HPRT1: variants seen among roughly 807,000 people sequenced by gnomAD.
HPRT1 encodes the protein hypoxanthine-guanine phosphoribosyltransferase.
HPRT1 carries 4 observed loss-of-function variants against 19.0 expected under a neutral mutation model. The observed-to-expected ratio is 0.21, with a 90% CI of 0.10 to 0.48. The LOEUF (loss-of-function observed/expected upper bound fraction) is 0.48. Ranked by LOEUF, HPRT1 falls within the 20% of genes least tolerant of loss-of-function variation. HPRT1 has a pLI of 0.98. For missense variants in HPRT1, 65 were observed against 164.0 expected (o/e 0.40, Z 3.30); for synonymous variants, 53 against 54.9 (o/e 0.97, Z 0.15).
intron 3 of HPRT1, among the ~76,000 whole-genome samples, chrX:134,484,077 G>T (rs2077646571): frequency 8.9e-6 from 1 of 111,734 alleles, no homozygotes; most frequent in Non-Finnish European, 1.9e-5. Flanking sequence ...GTGTCTTACT[G>T]CTTGGAGTTC....
At chrX:134,478,800 A>G (rs1223357368) in intron 3 of HPRT1, among the ~76,000 whole-genome samples, 1 of 111,968 alleles carries the variant, frequency 8.9e-6, no homozygotes, top group Non-Finnish European at 1.9e-5. Context: ...CCTAGTGCCT[A>G]GATGGGAAAT....
intron 5 of HPRT1, among the ~76,000 whole-genome samples, chrX:134,490,501 G>GTATA (rs67231548): frequency 9.9e-6 from 1 of 100,643 alleles, no homozygotes. Flanking sequence ...TATATTTTAT[G>GTATA]TATATATATA....
At chrX:134,496,352 T>A (rs6638248) in intron 6 of HPRT1, among the ~76,000 whole-genome samples, 1 of 111,586 alleles carries the variant, frequency 9.0e-6, no homozygotes, top group Non-Finnish European at 1.9e-5. Flanking sequence ...CATCTGCTTA[T>A]TGGCCATTTA....
rs995826189 is a variant in HPRT1, at chrX:134,461,591, G to A, written c.27+1253G>A. ...GCTGGCTACCTCTTGGAGTTATTGA[G>A]AGGATTATAAGACAGTCTATGTGAA... On this transcript the variant is annotated intron_variant, in intron 1 of 8. Coordinates refer to ENST00000298556, the MANE Select transcript of HPRT1 (RefSeq NM_000194.3). Among the ~76,000 whole-genome samples the A allele has an allele frequency of 4.5e-5, 5 of 112,125 alleles. No homozygotes were observed. In the East Asian group the frequency reaches 1.4e-3, roughly 31 times the overall value.
At chrX:134,468,507 C>T (rs959273829) in intron 1 of HPRT1, among the ~76,000 whole-genome samples, 1 of 110,308 alleles carries the variant, frequency 9.1e-6, no homozygotes, top group South Asian at 3.9e-4. Flanking sequence ...GTCCCAGCTA[C>T]TGCTTTGTGA....
At chrX:134,494,162 A>G (rs17885249) in intron 6 of HPRT1, among the ~76,000 whole-genome samples, 1,412 of 112,300 alleles carry the variant, frequency 0.013, 24 homozygotes, top group African/African-American at 0.043. Context: ...AGATAAGGTT[A>G]CTGAGGCATA....
At chrX:134,460,379 A>G in intron 1 of HPRT1, 41 bp downstream of exon 1, 3 of 1,032,898 alleles carry the variant, frequency 2.9e-6, no homozygotes, top group Non-Finnish European at 3.7e-6. Context: ...GTTCAGGCCC[A>G]CGCGGCAGGT....
intron 3 of HPRT1, 38 bp from the exon 4 acceptor site, chrX:134,486,427 A>G (rs1241073056): frequency 9.5e-6 from 7 of 735,027 alleles, no homozygotes; most frequent in Non-Finnish European, 1.4e-5. Context: ...ATGTGTGTGT[A>G]GATATATATA....
chrX:134,472,110 A>G (rs1397711669), intron 1 of HPRT1, among the ~76,000 whole-genome samples: 1 of 110,678 alleles, frequency 9.0e-6, no homozygotes, highest in East Asian at 2.8e-4. Context: ...AGCTGGGACT[A>G]CAGGTATGCA....
At chrX:134,481,509 A>G (rs776105501) in intron 3 of HPRT1, among the ~76,000 whole-genome samples, 2 of 37,887 alleles carry the variant, frequency 5.3e-5, no homozygotes, top group Non-Finnish European at 1.2e-4. Flanking sequence ...GTCTATCTCT[A>G]TCTATCTATC....
At chrX:134,476,835 G>GT (rs1849088293) in intron 3 of HPRT1, among the ~76,000 whole-genome samples, 1 of 110,333 alleles carries the variant, frequency 9.1e-6, no homozygotes, top group African/African-American at 3.3e-5. Context: ...TCTACTTTTA[G>GT]TTTTTTTCCT....
At chrX:134,465,600 T>G (rs1192563226) in intron 1 of HPRT1, among the ~76,000 whole-genome samples, 1 of 112,720 alleles carries the variant, frequency 8.9e-6, no homozygotes, top group Non-Finnish European at 1.9e-5. Flanking sequence ...TTCTCAATAC[T>G]CTTTCAGATT....
intron 6 of HPRT1, among the ~76,000 whole-genome samples, chrX:134,494,201 C>T (rs1227387463): frequency 8.9e-6 from 1 of 112,225 alleles, no homozygotes; most frequent in Non-Finnish European, 1.9e-5. Flanking sequence ...CAGAGCTAGT[C>T]CGCTATAGAG....
At chrX:134,496,993 T>C (rs766311171) in intron 6 of HPRT1, among the ~76,000 whole-genome samples, 1 of 112,306 alleles carries the variant, frequency 8.9e-6, no homozygotes, top group Non-Finnish European at 1.9e-5. Context: ...AAGCAGCTTC[T>C]GTAGTTTTTT....
chrX:134,463,017 T>A (rs1259934660), intron 1 of HPRT1, among the ~76,000 whole-genome samples: 1 of 112,449 alleles, frequency 8.9e-6, no homozygotes, highest in African/African-American at 3.2e-5. Context: ...ATTTATTGAA[T>A]ACTTAACTAT....
chrX:134,475,809 A>G (rs1269221033), intron 3 of HPRT1, among the ~76,000 whole-genome samples: 1 of 111,242 alleles, frequency 9.0e-6, no homozygotes, highest in Non-Finnish European at 1.9e-5. Flanking sequence ...TAACACACTT[A>G]AGAAAGGGGA....
Position 134,500,247 on chromosome X carries a change from A to G in HPRT1, c.*170A>G. 1 of 462,484 alleles carries G rather than the reference A, an allele frequency of 2.2e-6. No homozygotes were observed. Among genetic ancestry groups the G allele is most frequent in the South Asian group, 3.2e-5 (1 of 30,770 alleles). 38.1% of individuals were successfully genotyped at this position (462,484 alleles called of 1,213,427 possible). ...GAAATGTCAGTTGCTGCATTCCTAA[A>G]CTGTTTATTTGCACTATGAGCCTAT... is the stretch of plus-strand genomic sequence containing the variant. On this transcript the variant is annotated 3_prime_UTR_variant, in exon 9 of 9. Coordinates refer to ENST00000298556, the MANE Select transcript of HPRT1 (RefSeq NM_000194.3).
chrX:134,462,267 G>C (rs1217683447), intron 1 of HPRT1, among the ~76,000 whole-genome samples: 2 of 111,317 alleles, frequency 1.8e-5, no homozygotes, highest in African/African-American at 6.5e-5. Context: ...TGCAACCTCT[G>C]CCTCCCGGGT....
intron 5 of HPRT1, among the ~76,000 whole-genome samples, chrX:134,490,776 G>A (rs1289303299): frequency 9.2e-6 from 1 of 108,538 alleles, no homozygotes; most frequent in African/African-American, 3.3e-5. Flanking sequence ...TATCTGTGAT[G>A]AGGCCCAGCA....
Sources: gnomAD v4.1 joint callset for allele counts (sites outside exome capture counted in the v4.1 genomes callset) on GRCh38, gnomAD v4.1.1 for gene constraint, MANE v1.5 for transcripts, NCBI Gene and HGNC (gene_info 2026-07-23, HGNC 2026-07-21) for gene names.